RRN3: variants seen among roughly 807,000 people sequenced by gnomAD.
The protein encoded by RRN3 is RNA polymerase I transcription factor RRN3, also known as RNA polymerase I-specific transcription initiation factor RRN3.
A neutral mutation model predicts 82.3 loss-of-function variants in RRN3; 38 were observed. That is an observed-to-expected ratio of 0.46 (90% CI 0.36 to 0.61). The LOEUF is 0.61. Ranked by LOEUF, RRN3 falls within the 20% of genes least tolerant of loss-of-function variation. The probability of loss-of-function intolerance (pLI) is 0.00; values close to 1 mark genes in which losing one functional copy is unlikely to be tolerated. For missense variants in RRN3, 726 were observed against 793.1 expected, an observed-to-expected ratio of 0.92 and a Z score of 1.02; for synonymous variants, 284 against 284.3, an observed-to-expected ratio of 1.00 and a Z score of 0.01.
In RRN3 at chr16:15,065,141, G is replaced by T. The variant is rs1339504691; in HGVS notation, c.1706+78C>A. 3.5e-6 allele frequency: 5 copies of T among 1,445,364 alleles called. No individual in the cohort carries two copies. The East Asian group carries it at 1.1e-4, about 33-fold the overall frequency. 89.5% of individuals were successfully genotyped at this position (1,445,364 alleles called of 1,614,324 possible). Reference sequence around the variant, plus strand: ...AGATCACACCACCGCACTCCAGCCTGGGCGACAGAGTGAGACTCCGTCTCA... The same window carrying T: ...AGATCACACCACCGCACTCCAGCCTTGGCGACAGAGTGAGACTCCGTCTCA... On this transcript the variant is annotated intron_variant, in intron 16 of 17. Coordinates refer to ENST00000198767, the MANE Select transcript of RRN3 (RefSeq NM_018427.5).
chr16:15,089,027 G>A (rs947769535), intron 3 of RRN3, among the ~76,000 whole-genome samples: 1 of 152,204 alleles, frequency 6.6e-6, no homozygotes, highest in Non-Finnish European at 1.5e-5. Context: ...TCTAGGCCGG[G>A]TGGAGTGGCT....
At chr16:15,082,557 C>A (rs2045752215) in intron 8 of RRN3, among the ~76,000 whole-genome samples, 1 of 151,886 alleles carries the variant, frequency 6.6e-6, no homozygotes, top group Non-Finnish European at 1.5e-5. Flanking sequence ...TCTATAGTCC[C>A]ACCTACTCGG....
rs962169123 is a variant in RRN3, at chr16:15,060,529, A to T, written c.*1215T>A. On this transcript the variant is annotated 3_prime_UTR_variant, in exon 18 of 18. Coordinates refer to ENST00000198767, the MANE Select transcript of RRN3 (RefSeq NM_018427.5). The stretch of plus-strand genomic sequence containing the variant: ...GCCTTTAAATAAAGTGGCAGAAAAT[A>T]AATATGCTTAAAGATGGCCATTTTC... 6.5e-6 allele frequency: 1 copy of T among 154,800 alleles called. No individual in the cohort carries two copies. Among genetic ancestry groups the T allele is most frequent in the African/African-American group, 2.4e-5 (1 of 41,486 alleles). The allele number at this position is 154,800 out of a possible 1,614,324, so 9.6% of individuals were successfully genotyped here. A position where few individuals can be genotyped will look rare whatever the true frequency, so the allele number is the denominator to read the frequency against.
rs2044714566 is a variant in RRN3, at chr16:15,061,646, T to C, written c.*98A>G. The C allele has an allele frequency of 1.7e-6, 2 of 1,198,322 alleles. No homozygotes were observed. Among genetic ancestry groups the C allele is most frequent in the East Asian group, 2.4e-5 (1 of 42,158 alleles). 74.2% of individuals were successfully genotyped at this position (1,198,322 alleles called of 1,614,324 possible). On this transcript the variant is annotated 3_prime_UTR_variant, in exon 18 of 18. Coordinates refer to ENST00000198767, the MANE Select transcript of RRN3 (RefSeq NM_018427.5). ...AGCCGAGGCAGGCACTCGCTCTAGT[T>C]CAATGCCATCAATGCCCAATGGCAC...
rs1394830440 is a variant in RRN3, at chr16:15,094,217, A to T, written c.17T>A (p.Leu6His). 9.4e-6 allele frequency: 15 copies of T among 1,594,236 alleles called. No individual in the cohort carries two copies. Among genetic ancestry groups the T allele is most frequent in the Non-Finnish European group, 1.2e-5 (14 of 1,171,150 alleles). The change falls in exon 1 of 18, where the codon CTT (leucine) becomes CAT (histidine). Residue 6 changes from leucine (L) to histidine (H), a missense_variant. Physicochemically the swap from Leu to His is moderately conservative, Grantham distance 99. Around this residue, in one of 4 missense-constraint regions of RRN3, gnomAD observed 135 missense variants for 87.4 expected, o/e 1.55. Coordinates refer to ENST00000198767, the MANE Select transcript of RRN3 (RefSeq NM_018427.5). ...CGCATCTCCCGGCAAACGCGTGTGA[A>T]GCAGCGGTGCCGCCATTGGGCCGAA... MAAPL[L>H]HTRLPGDAAA... is the part of the protein sequence containing the mutation.
Position 15,094,199 on chromosome 16 carries a change from C to T in RRN3, c.35G>A (p.Gly12Glu), listed in dbSNP as rs2046260188. The T allele has an allele frequency of 6.3e-7, 1 of 1,599,984 alleles. No homozygotes were observed. ...AAPLLHTRLP[G>E]DAAASSSAVK... ...TGCAGAGGACGAAGCGGCCGCATCT[C>T]CCGGCAAACGCGTGTGAAGCAGCGG... Residue 12 changes from glycine (G) to glutamate (E), a missense_variant, in exon 1 of 18, where the codon GGA (glycine) becomes GAA (glutamate). Transcript: ENST00000198767.
At chr16:15,075,388 C>G (rs1312073031) in intron 10 of RRN3, among the ~76,000 whole-genome samples, 1 of 151,934 alleles carries the variant, frequency 6.6e-6, no homozygotes. Context: ...GCCTGGGCAA[C>G]ACAGTGAGAC....
intron 16 of RRN3, among the ~76,000 whole-genome samples, chr16:15,063,544 T>C (rs1269336945): frequency 6.6e-6 from 1 of 151,406 alleles, no homozygotes; most frequent in Non-Finnish European, 1.5e-5. Context: ...CCATCTCTAC[T>C]AAAAATACAA....
Position 15,080,113 on chromosome 16 carries a change from A to G in RRN3, c.667-17T>C. ...GTAACATTCCTAAAGGAGAAAATGT[A>G]AGATAAAACATTTCAACAGAGAATA... is the stretch of plus-strand genomic sequence containing the variant. On this transcript the variant is annotated splice_polypyrimidine_tract_variant and intron_variant, in intron 8 of 17. Coordinates refer to ENST00000198767, the MANE Select transcript of RRN3 (RefSeq NM_018427.5). The G allele has an allele frequency of 6.3e-7, 1 of 1,587,706 alleles. No homozygotes were observed. The highest frequency in any genetic ancestry group is 8.6e-7 in the Non-Finnish European group (1 of 1,168,232).
In RRN3 at chr16:15,086,371, A is replaced by G; in HGVS notation, c.336T>C (p.Ile112=). ...AAATAAATGGTGAACTTACTAATATAATACTGATAAGTTGCTCAAAGTCTT... is the reference window on the plus strand; with the variant it reads ...AAATAAATGGTGAACTTACTAATATGATACTGATAAGTTGCTCAAAGTCTT... ...LTKDFEQLIS[I]ILRLPWLNRS... The change falls in exon 4 of 18, where the codon ATT becomes ATC. Residue 112 remains isoleucine, a synonymous_variant. Transcript: ENST00000198767. 2 of 1,613,762 alleles carry G rather than the reference A, an allele frequency of 1.2e-6. No homozygotes were observed. The highest frequency in any genetic ancestry group is 1.7e-6 in the Non-Finnish European group (2 of 1,179,734).
intron 16 of RRN3, among the ~76,000 whole-genome samples, chr16:15,063,958 G>A (rs540675618): frequency 3.9e-5 from 6 of 151,986 alleles, no homozygotes; most frequent in African/African-American, 1.5e-4. Flanking sequence ...TTATATTTCT[G>A]TAGTAATTTG....
chr16:15,076,665 G>T lies in RRN3; in HGVS notation c.766-15C>A. 6.7e-7 allele frequency: 1 copy of T among 1,493,098 alleles called. No individual in the cohort carries two copies. The highest frequency in any genetic ancestry group is 9.3e-7 in the Non-Finnish European group (1 of 1,080,018). The allele number at this position is 1,493,098 out of a possible 1,614,324, so 92.5% of individuals were successfully genotyped here. ...GATGCATTCACCTATAACAAAGGGA[G>T]AAAAAAAAAGAATAAAAGGATTTAA... On this transcript the variant is annotated splice_polypyrimidine_tract_variant and intron_variant, in intron 9 of 17. Coordinates refer to ENST00000198767, the MANE Select transcript of RRN3 (RefSeq NM_018427.5).
rs1297571313 is a variant in RRN3 at position 15,080,338 on chromosome 16, G to A, written c.667-242C>T. Reference sequence around the variant, plus strand: ...CTATAGGTTTTTAAGTAGCTGTATTGATAAAACTCATATATCATACAATCA... The same window carrying A: ...CTATAGGTTTTTAAGTAGCTGTATTAATAAAACTCATATATCATACAATCA... On this transcript the variant is annotated intron_variant, in intron 8 of 17. Coordinates refer to ENST00000198767, the MANE Select transcript of RRN3 (RefSeq NM_018427.5). Among the ~76,000 whole-genome samples, 3 of 152,248 alleles carry A rather than the reference G, an allele frequency of 2.0e-5. No homozygotes were observed. The East Asian group carries it at 5.8e-4, about 29-fold the overall frequency.
intron 15 of RRN3, 71 bp downstream of exon 15, chr16:15,068,098 C>T: frequency 2.7e-6 from 4 of 1,501,508 alleles, no homozygotes; most frequent in Non-Finnish European, 2.7e-6. Context: ...ATTTAACACT[C>T]TTACAATACT....
chr16:15,092,332 G>A (rs1259274666), intron 2 of RRN3, among the ~76,000 whole-genome samples, 177 bp downstream of exon 2: 1 of 151,888 alleles, frequency 6.6e-6, no homozygotes, highest in East Asian at 1.9e-4. Context: ...GCCAAGGTGG[G>A]GGAAAAAAAG....
intron 11 of RRN3, among the ~76,000 whole-genome samples, chr16:15,073,520 G>C (rs2045328057): frequency 6.6e-6 from 1 of 152,142 alleles, no homozygotes; most frequent in Non-Finnish European, 1.5e-5. Flanking sequence ...GCTACTTTTA[G>C]TTTACACAGA....
chr16:15,077,051 C>G (rs1371177598), intron 9 of RRN3, among the ~76,000 whole-genome samples: 1 of 151,152 alleles, frequency 6.6e-6, no homozygotes, highest in Non-Finnish European at 1.5e-5. Flanking sequence ...AAGATCTCGG[C>G]TCACCGCAAA....
intron 9 of RRN3, among the ~76,000 whole-genome samples, chr16:15,078,854 C>G (rs1212631047): frequency 6.7e-6 from 1 of 148,742 alleles, no homozygotes; most frequent in Non-Finnish European, 1.5e-5. Context: ...CTCTGTCACC[C>G]AGGCTGGAGC....
At position 15,086,266 on chromosome 16, in the gene RRN3, G is replaced by A. The variant is rs766553565; in HGVS notation, c.343-8C>T. ...ATTCAACCAAGGCAATCTCTAGAGT[G>A]GGGGAAGAAAGATAAAAGCAGCATG... On this transcript the variant is annotated splice_polypyrimidine_tract_variant and splice_region_variant and intron_variant, in intron 4 of 17. Coordinates refer to ENST00000198767, the MANE Select transcript of RRN3 (RefSeq NM_018427.5). The A allele has an allele frequency of 1.3e-6, 2 of 1,555,648 alleles. No individual in the cohort carries two copies. Among genetic ancestry groups the A allele is most frequent in the East Asian group, 2.3e-5 (1 of 44,014 alleles).
Sources: allele counts gnomAD v4.1 joint callset (sites outside exome capture counted in the v4.1 genomes callset), GRCh38; gene constraint gnomAD v4.1.1; regional missense constraint gnomAD v4.1.1; transcripts MANE v1.5; gene names NCBI Gene and HGNC (gene_info 2026-07-23, HGNC 2026-07-21).